Variants in SLC4A9 observed in about 807,000 individuals in gnomAD.
The protein encoded by SLC4A9 is solute carrier family 4 member 9, also known as anion exchange protein 4.
In SLC4A9, 102 loss-of-function variants were observed where a neutral mutation model predicts 103.2. The ratio of observed to expected loss-of-function variants is 0.99; its 90% CI spans 0.84 to 1.17. The LOEUF (loss-of-function observed/expected upper bound fraction) is 1.17, where lower values mean the gene tolerates loss of function less well. Among genes scored for constraint, SLC4A9 ranks in the 50% most tolerant of loss-of-function variants. The pLI is 0.00. For missense variants in SLC4A9, 1,091 were observed against 1,193.7 expected, an observed-to-expected ratio of 0.91 and a Z score of 1.27; for synonymous variants, 453 against 483.6, an observed-to-expected ratio of 0.94 and a Z score of 0.83.
Position 140,360,320 on chromosome 5 carries a change from C to A in SLC4A9, c.84C>A (p.Asn28Lys), listed in dbSNP as rs759241857. Residue 28 changes from asparagine (N) to lysine (K), a missense_variant, in exon 1 of 22, where the codon AAC becomes AAA. Asn to Lys is a moderately conservative substitution (Grantham distance 94, BLOSUM62 0). Coordinates refer to ENST00000506757, the MANE Select transcript of SLC4A9 (RefSeq NM_031467.3). ...RNIPSGELDS[N>K]PDPGTGPSPD... The stretch of plus-strand genomic sequence containing the variant: ...TTCCTTCAGGGGAGCTGGACAGCAA[C>A]CCTGACCCTGGCACCGGCCCCAGCC... The A allele has an allele frequency of 1.2e-6, 2 of 1,612,248 alleles. No individual in the cohort carries two copies. The highest frequency in any genetic ancestry group is 1.7e-5 in the Admixed American group (1 of 59,814).
At chr5:140,361,129 G>A in intron 2 of SLC4A9, 125 bp from the exon 3 acceptor site, 1 of 1,183,162 alleles carries the variant, frequency 8.5e-7, no homozygotes, top group Non-Finnish European at 1.2e-6. Context: ...GGGTGGAGGA[G>A]CAAGTTCATT....
chr5:140,360,716 C>T (rs1766938220), intron 1 of SLC4A9, 96 bp from the exon 2 acceptor site: 3 of 1,566,772 alleles, frequency 1.9e-6, no homozygotes, highest in South Asian at 2.3e-5. Context: ...GCCCAGGATG[C>T]CCTCATTGCC....
intron 11 of SLC4A9, among the ~76,000 whole-genome samples, chr5:140,364,944 C>T (rs1767663058): frequency 6.6e-6 from 1 of 152,156 alleles, no homozygotes; most frequent in South Asian, 2.1e-4. Flanking sequence ...ACTATCTTAC[C>T]CCAGGGGAGT....
At chr5:140,371,411 A>G in intron 18 of SLC4A9, 40 bp from the exon 19 acceptor site, 1 of 1,611,572 alleles carries the variant, frequency 6.2e-7, no homozygotes, top group Non-Finnish European at 8.5e-7. Context: ...CTATCAGGCT[A>G]CCTGAGTGCC....
rs754529343 is a variant in SLC4A9, at chr5:140,363,904, T to C, written c.1254+2T>C. On this transcript the variant is annotated splice_donor_variant, in intron 9 of 21. Transcript: ENST00000506757. LOFTEE classifies it high-confidence loss of function. This position sits in a 1 kb window ranked among gnomAD's most constrained non-coding sequence, Gnocchi z 4.5. ...GGAGATGCCACTGATGGTGCCCAGG[T>C]GGGTAGGGCCCAGGGGGCAGGCACA... is the stretch of plus-strand genomic sequence containing the variant. The C allele has an allele frequency of 6.2e-7, 1 of 1,613,354 alleles. No individual in the cohort carries two copies. Among genetic ancestry groups the C allele is most frequent in the Non-Finnish European group, 8.5e-7 (1 of 1,179,700 alleles).
intron 17 of SLC4A9, among the ~76,000 whole-genome samples, chr5:140,369,759 T>C (rs753510354): frequency 6.6e-6 from 1 of 152,148 alleles, no homozygotes; most frequent in Non-Finnish European, 1.5e-5. Context: ...CCCAGCACTT[T>C]GGGAGGCCGA....
At chr5:140,361,446 A>ACTTCTAGCCCTG in intron 3 of SLC4A9, 79 bp downstream of exon 3, 1 of 1,194,690 alleles carries the variant, frequency 8.4e-7, no homozygotes, top group Non-Finnish European at 1.2e-6. Context: ...TTCCAGGGCT[A>ACTTCTAGCCCTG]GAAGTAGCCC....
At position 140,363,008 on chromosome 5, in the gene SLC4A9, C is replaced by T; in HGVS notation, c.904C>T (p.Arg302Trp). ...GGAGGTGACAGTGCTTCCCCCAGGTCGGTGGGACCCAACAGCCCGGATTCC... is the reference window on the plus strand; with the variant it reads ...GGAGGTGACAGTGCTTCCCCCAGGTTGGTGGGACCCAACAGCCCGGATTCC... ...LEEVTVLPPG[R>W]WDPTARIPPP... The change falls in exon 7 of 22, where the codon CGG (arginine) becomes TGG (tryptophan). Residue 302 changes from arginine (R) to tryptophan (W), a missense_variant. Arg to Trp is a moderately radical substitution (Grantham distance 101, BLOSUM62 -3). Coordinates refer to ENST00000506757, the MANE Select transcript of SLC4A9 (RefSeq NM_031467.3). This position sits in a 1 kb window ranked among gnomAD's most constrained non-coding sequence, Gnocchi z 4.5. 6.2e-7 allele frequency: 1 copy of T among 1,612,490 alleles called. No homozygotes were observed. Among genetic ancestry groups the T allele is most frequent in the Non-Finnish European group, 8.5e-7 (1 of 1,179,476 alleles).
rs547685099 is a variant in SLC4A9, at chr5:140,363,664, A to C, written c.1080-64A>C. 1.4e-3 allele frequency: 2,255 copies of C among 1,597,504 alleles called. 9 individuals are homozygous for C. Among genetic ancestry groups the C allele is most frequent in the Middle Eastern group, 0.013 (76 of 6,016 alleles). ...GGGAGGGGCTCACCCGGTCACAGGG[A>C]AAGTAGCGGGGATGCGGGTGTGGAG... On this transcript the variant is annotated intron_variant, in intron 8 of 21. Coordinates refer to ENST00000506757, the MANE Select transcript of SLC4A9 (RefSeq NM_031467.3). This position sits in a 1 kb window ranked among gnomAD's most constrained non-coding sequence, Gnocchi z 4.5.
intron 16 of SLC4A9, among the ~76,000 whole-genome samples, 178 bp downstream of exon 16, chr5:140,368,076 C>T (rs140819118): frequency 7.0e-4 from 106 of 152,242 alleles, no homozygotes; most frequent in Non-Finnish European, 1.4e-3. Context: ...CCCTCTCTCC[C>T]CTCAGCCATG....
Position 140,372,383 on chromosome 5 carries a change from A to G in SLC4A9, c.2812A>G (p.Ser938Gly), listed in dbSNP as rs757650383. 3.1e-6 allele frequency: 5 copies of G among 1,609,698 alleles called. No homozygotes were observed. The highest frequency in any genetic ancestry group is 1.6e-4 in the Middle Eastern group (1 of 6,068). Residue 938 changes from serine to glycine, a missense_variant, in exon 20 of 22, where the codon AGT becomes GGT. By Grantham distance (56) the Ser-to-Gly change is moderately conservative. Transcript: ENST00000506757. Reference protein sequence around the residue: ...GLEPEHSFSGSDSEDSELMYQ... With the variant: ...GLEPEHSFSGGDSEDSELMYQ... ...GGAGCCAGAACACTCATTCAGTGGA[A>G]GTGACAGTGAAGATGTGAGCTCCAG... is the stretch of plus-strand genomic sequence containing the variant.
intron 6 of SLC4A9, 42 bp from the exon 7 acceptor site, chr5:140,362,870 C>T: frequency 6.2e-7 from 1 of 1,612,950 alleles, no homozygotes; most frequent in Non-Finnish European, 8.5e-7. Context: ...ATGTAAGAGA[C>T]CAGGTTTGCA....
chr5:140,366,160 G>A lies in SLC4A9; in HGVS notation c.1909G>A (p.Gly637Arg), dbSNP rs777466865. ...SRFFPSVVRK[G>R]LSDFSSVLAI... ...GTCCACTGTGTGCCAGGTGCGCAAA[G>A]GGCTCAGCGACTTCTCCTCAGTCCT... Residue 637 changes from glycine (G) to arginine (R), a missense_variant, in exon 14 of 22, where the codon GGG becomes AGG. Gly to Arg is a moderately radical substitution (Grantham distance 125, BLOSUM62 -2). Transcript: ENST00000506757. 1.9e-6 allele frequency: 3 copies of A among 1,613,352 alleles called. No homozygotes were observed.
rs554454580 is a variant in SLC4A9, at chr5:140,371,076, C to A, written c.2428-19C>A. Reference sequence around the variant, plus strand: ...TTGGCAGAGGTAAACTTTGATAACTCTCTGCTTCTTTCTACCAGTTCATTC... The same window carrying A: ...TTGGCAGAGGTAAACTTTGATAACTATCTGCTTCTTTCTACCAGTTCATTC... On this transcript the variant is annotated intron_variant, in intron 17 of 21. Coordinates refer to ENST00000506757, the MANE Select transcript of SLC4A9 (RefSeq NM_031467.3). 2.5e-6 allele frequency: 4 copies of A among 1,604,632 alleles called. No homozygotes were observed. The South Asian group carries it at 4.5e-5, about 18-fold the overall frequency.
chr5:140,370,411 G>A (rs575913347), intron 17 of SLC4A9, among the ~76,000 whole-genome samples: 241 of 150,720 alleles, frequency 1.6e-3, no homozygotes, highest in Middle Eastern at 0.01. Context: ...GTTGCAGTGA[G>A]CCGAGATCAA....
rs1359577380 is a variant in SLC4A9, at chr5:140,363,920, G to A, written c.1254+18G>A. On this transcript the variant is annotated intron_variant, in intron 9 of 21. Transcript: ENST00000506757. The surrounding 1 kb of genome is among the most constrained non-coding windows in gnomAD (Gnocchi z 4.5). The stretch of plus-strand genomic sequence containing the variant: ...GTGCCCAGGTGGGTAGGGCCCAGGG[G>A]GCAGGCACAAGCGTTGGTGTCCCCT... The A allele has an allele frequency of 6.2e-7, 1 of 1,611,794 alleles. No individual in the cohort carries two copies. The highest frequency in any genetic ancestry group is 8.5e-7 in the Non-Finnish European group (1 of 1,178,846).
Position 140,363,810 on chromosome 5 carries a change from T to G in SLC4A9, c.1162T>G (p.Cys388Gly), listed in dbSNP as rs368605857. ...TTTCTTGGACGCCCTGCATCTCCAG[T>G]GCTTCTCGGCCGTACTCTACATTTA... ...SDFLDALHLQCFSAVLYIYLA... is the reference protein window; with the variant it reads ...SDFLDALHLQGFSAVLYIYLA... Residue 388 changes from cysteine (C) to glycine (G), a missense_variant, in exon 9 of 22, where the codon TGC becomes GGC. Transcript: ENST00000506757. This position sits in a 1 kb window ranked among gnomAD's most constrained non-coding sequence, Gnocchi z 4.5. 5.6e-6 allele frequency: 9 copies of G among 1,613,860 alleles called. No homozygotes were observed. The African/African-American group carries it at 1.1e-4, about 19-fold the overall frequency.
At chr5:140,366,060 T>C (rs991915650) in intron 13 of SLC4A9, 38 bp downstream of exon 13, 4 of 1,612,438 alleles carry the variant, frequency 2.5e-6, no homozygotes, top group Non-Finnish European at 3.4e-6. Flanking sequence ...GAGGCCTGAC[T>C]CTAAGCTTTG....
In SLC4A9 at chr5:140,360,988, T is replaced by C; in HGVS notation, c.391+16T>C. The stretch of plus-strand genomic sequence containing the variant: ...GAGCTCGTGGGTAGGCTGGGATCCT[T>C]TGCAGGAAGGGCCTGGGTAGCCATG... On this transcript the variant is annotated intron_variant, in intron 2 of 21. Coordinates refer to ENST00000506757, the MANE Select transcript of SLC4A9 (RefSeq NM_031467.3). 2 of 1,553,026 alleles carry C rather than the reference T, an allele frequency of 1.3e-6. No homozygotes were observed. Among genetic ancestry groups the C allele is most frequent in the Non-Finnish European group, 1.7e-6 (2 of 1,147,478 alleles).
Sources: gnomAD v4.1 joint callset for allele counts (sites outside exome capture counted in the v4.1 genomes callset) on GRCh38, gnomAD v4.1.1 for gene constraint, Gnocchi (gnomAD v3.1) non-coding constraint, MANE v1.5 for transcripts, NCBI Gene and HGNC (gene_info 2026-07-23, HGNC 2026-07-21) for gene names.